Variants in CHN2 observed in about 807,000 individuals in gnomAD.
CHN2 encodes chimerin 2.
A neutral mutation model predicts 56.3 loss-of-function variants in CHN2; 35 were observed. The ratio of observed to expected loss-of-function variants is 0.62; its 90% CI spans 0.47 to 0.82. The LOEUF (loss-of-function observed/expected upper bound fraction) is 0.82. CHN2 is among the 40% of genes least tolerant of loss of function. The pLI is 0.00. For synonymous variants in CHN2, 210 were observed against 212.8 expected (o/e 0.99, Z 0.12); for missense variants, 491 against 580.5 (o/e 0.85, Z 1.58).
intron 2 of CHN2, among the ~76,000 whole-genome samples, chr7:29,176,419 G>T (rs1797352213): frequency 1.3e-5 from 2 of 152,108 alleles, no homozygotes; most frequent in South Asian, 4.1e-4. Flanking sequence ...CTTCTTATTG[G>T]CAGGAAAACA....
intron 6 of CHN2, among the ~76,000 whole-genome samples, chr7:29,409,017 T>C (rs1204758439): frequency 6.6e-6 from 1 of 152,204 alleles, no homozygotes; most frequent in Non-Finnish European, 1.5e-5. Flanking sequence ...TGTGAAAATG[T>C]GCAAGAACAA....
intron 8 of CHN2, 121 bp from the exon 9 acceptor site, chr7:29,499,746 A>G (rs1287465508): frequency 2.4e-6 from 2 of 824,920 alleles, no homozygotes; most frequent in African/African-American, 3.4e-5. Flanking sequence ...AACGGGATAG[A>G]TGTTCCAGAG....
intron 1 of CHN2, among the ~76,000 whole-genome samples, chr7:29,215,445 G>A (rs1436211809): frequency 6.6e-6 from 1 of 152,098 alleles, no homozygotes; most frequent in Non-Finnish European, 1.5e-5. Flanking sequence ...TCCCAATTAA[G>A]GGTCTTATTT....
chr7:29,485,723 A>G (rs539438370), intron 7 of CHN2, among the ~76,000 whole-genome samples: 1 of 152,316 alleles, frequency 6.6e-6, no homozygotes, highest in Admixed American at 6.5e-5. Context: ...AAAGGAGTCC[A>G]TCACATTTAA....
At chr7:29,399,317 A>G (rs1179561604) in intron 5 of CHN2, among the ~76,000 whole-genome samples, 2 of 152,174 alleles carry the variant, frequency 1.3e-5, no homozygotes, top group African/African-American at 2.4e-5. Flanking sequence ...TGCAGACCTC[A>G]CAAGACCTGC....
chr7:29,408,502 A>G (rs539878256), intron 6 of CHN2, among the ~76,000 whole-genome samples: 2 of 152,332 alleles, frequency 1.3e-5, no homozygotes, highest in African/African-American at 4.8e-5. Context: ...CTTTTACACA[A>G]CACGTGAGAA....
chr7:29,480,068 G>C (rs1344609933), intron 6 of CHN2: 2 of 1,547,798 alleles, frequency 1.3e-6, no homozygotes, highest in Non-Finnish European at 1.7e-6. Flanking sequence ...AGGGCTTCCT[G>C]GGCTCTGCAG....
At chr7:29,304,126 A>G (rs560482657) in intron 1 of CHN2, among the ~76,000 whole-genome samples, 11 of 152,176 alleles carry the variant, frequency 7.2e-5, no homozygotes, top group Non-Finnish European at 1.5e-4. Flanking sequence ...GTCACTGGGT[A>G]GAGGGACAAA....
intron 1 of CHN2, among the ~76,000 whole-genome samples, chr7:29,255,515 T>C (rs1789001489): frequency 6.6e-6 from 1 of 152,126 alleles, no homozygotes; most frequent in Non-Finnish European, 1.5e-5. Flanking sequence ...AAAAAATATG[T>C]ATATATATAT....
chr7:29,211,102 G>A (rs6954203), intron 1 of CHN2, among the ~76,000 whole-genome samples: 119,317 of 150,860 alleles, frequency 0.79, 47,776 homozygotes, highest in East Asian at 0.97. Context: ...ACGGAGTCTC[G>A]CTCTATCGCC....
At chr7:29,472,164 T>C (rs1304747643) in intron 6 of CHN2, among the ~76,000 whole-genome samples, 2 of 151,878 alleles carry the variant, frequency 1.3e-5, no homozygotes, top group Admixed American at 1.3e-4. Context: ...CCAAAAGGAA[T>C]AGAGAACCAG....
intron 6 of CHN2, among the ~76,000 whole-genome samples, chr7:29,418,745 G>A (rs929113500): frequency 3.9e-5 from 6 of 152,112 alleles, no homozygotes; most frequent in Admixed American, 6.5e-5. Context: ...CTCCTCCCTC[G>A]ATTTTGGAAC....
rs192534243 is a variant in CHN2, at chr7:29,292,874, C to T, written c.50-61751C>T. 90 of 456,188 alleles carry T rather than the reference C, an allele frequency of 2.0e-4. No individual in the cohort carries two copies. In the East Asian group the frequency reaches 2.5e-3, roughly 13 times the overall value. 28.3% of individuals were successfully genotyped at this position (456,188 alleles called of 1,614,324 possible). A position where few individuals can be genotyped will look rare whatever the true frequency, so the allele number is the denominator to read the frequency against. The stretch of plus-strand genomic sequence containing the variant: ...CTTGGGGAAGAAAATATATCTGTCA[C>T]GGATTACAATAACCTCTTAACTGGC... On this transcript the variant is annotated intron_variant, in intron 1 of 12. Transcript: ENST00000222792.
intron 2 of CHN2, among the ~76,000 whole-genome samples, chr7:29,361,558 G>A (rs1798735201): frequency 1.3e-5 from 2 of 152,344 alleles, no homozygotes; most frequent in Admixed American, 6.5e-5. Context: ...AGAGGTGGCA[G>A]TTCCTCGCTT....
At chr7:29,201,494 G>T (rs553815201) in intron 1 of CHN2, among the ~76,000 whole-genome samples, 1 of 151,904 alleles carries the variant, frequency 6.6e-6, no homozygotes, top group South Asian at 2.1e-4. Context: ...GTCATAAAGC[G>T]CTTTATATTT....
intron 1 of CHN2, among the ~76,000 whole-genome samples, chr7:29,238,179 G>T (rs554266778): frequency 6.6e-6 from 1 of 151,788 alleles, no homozygotes; most frequent in Admixed American, 6.6e-5. Flanking sequence ...CACCACGCCC[G>T]GCTAATATTT....
intron 1 of CHN2, among the ~76,000 whole-genome samples, chr7:29,238,032 T>TTTTTTTTG: frequency 6.7e-6 from 1 of 149,314 alleles, no homozygotes; most frequent in Non-Finnish European, 1.5e-5. Context: ...TTTTTTTTTT[T>TTTTTTTTG]TTTTAGAAGG....
At chr7:29,160,219 A>AC (rs1223458532) in intron 2 of CHN2, among the ~76,000 whole-genome samples, 3 of 152,154 alleles carry the variant, frequency 2.0e-5, no homozygotes. Context: ...TGTACTGGCC[A>AC]CCCACAGTGT....
chr7:29,424,771 C>T (rs919205904), intron 6 of CHN2, among the ~76,000 whole-genome samples: 3 of 152,216 alleles, frequency 2.0e-5, no homozygotes, highest in African/African-American at 4.8e-5. Flanking sequence ...AGTACTGCCT[C>T]GTCCACCGCG....
Sources: allele counts gnomAD v4.1 joint callset (sites outside exome capture counted in the v4.1 genomes callset), GRCh38; gene constraint gnomAD v4.1.1; transcripts MANE v1.5; gene names NCBI Gene and HGNC (gene_info 2026-07-23, HGNC 2026-07-21).